The following STEAP1B variants were observed in gnomAD, a reference collection of about 807,000 sequenced individuals.
STEAP1B encodes the protein STEAP family protein MGC87042.
A neutral mutation model predicts 27.9 loss-of-function variants in STEAP1B; 13 were observed. That is an observed-to-expected ratio of 0.47 (90% CI 0.30 to 0.74). STEAP1B has a LOEUF of 0.74. Among genes scored for constraint, STEAP1B ranks in the 30% least tolerant of loss-of-function variants. The pLI is 0.06. For missense variants in STEAP1B, 250 were observed against 298.7 expected, an observed-to-expected ratio of 0.84 and a Z score of 1.20; for synonymous variants, 86 against 107.1, an observed-to-expected ratio of 0.80 and a Z score of 1.22.
At chr7:22,427,527 G>A (rs573351918) in intron 4 of STEAP1B, among the ~76,000 whole-genome samples, 3 of 152,178 alleles carry the variant, frequency 2.0e-5, no homozygotes, top group Non-Finnish European at 4.4e-5. Flanking sequence ...TAGTTTAGGC[G>A]TGGACATATT....
chr7:22,468,135 A>G (rs1353404516), intron 4 of STEAP1B, among the ~76,000 whole-genome samples: 2 of 152,196 alleles, frequency 1.3e-5, no homozygotes, highest in African/African-American at 4.8e-5. Context: ...TTTCAGATAA[A>G]TCTTTTAGAA....
At position 22,494,863 on chromosome 7, in the gene STEAP1B, A is replaced by G. The variant is rs377383177; in HGVS notation, c.-8T>C. ...GTCTTTTCTGCTTTCCATTAATTCT[A>G]TAAAATAGTATGGCTTCAGCCACCT... On this transcript the variant is annotated 5_prime_UTR_variant, in exon 2 of 5. Transcript: ENST00000678116. 3.1e-5 allele frequency: 47 copies of G among 1,513,620 alleles called. No homozygotes were observed. In the East Asian group the frequency reaches 3.2e-4, roughly 10 times the overall value. The allele number at this position is 1,513,620 out of a possible 1,614,324, so 93.8% of individuals were successfully genotyped here. A position where few individuals can be genotyped will look rare whatever the true frequency, so the allele number is the denominator to read the frequency against.
intron 4 of STEAP1B, chr7:22,438,701 C>A: frequency 6.4e-7 from 1 of 1,551,702 alleles, no homozygotes; most frequent in Non-Finnish European, 8.7e-7. Flanking sequence ...TGTGTCTTGG[C>A]CAGTTTAGTG....
chr7:22,483,797 C>T (rs547667689), intron 4 of STEAP1B, among the ~76,000 whole-genome samples: 1 of 152,138 alleles, frequency 6.6e-6, no homozygotes. Context: ...CAGAGAGACA[C>T]GAAATGGCTG....
intron 4 of STEAP1B, among the ~76,000 whole-genome samples, 192 bp from the exon 5 acceptor site, chr7:22,420,028 G>A (rs963116675): frequency 1.3e-5 from 2 of 152,184 alleles, no homozygotes; most frequent in Non-Finnish European, 2.9e-5. Context: ...GAATTCCGGT[G>A]TGGTCTTTCT....
At chr7:22,485,293 C>G (rs947393378) in intron 4 of STEAP1B, among the ~76,000 whole-genome samples, 6 of 152,296 alleles carry the variant, frequency 3.9e-5, no homozygotes, top group Non-Finnish European at 5.9e-5. Context: ...AGCCACCTAG[C>G]CTTTAGCAAC....
chr7:22,489,890 T>C (rs1786289826), intron 4 of STEAP1B, among the ~76,000 whole-genome samples: 1 of 152,190 alleles, frequency 6.6e-6, no homozygotes, highest in South Asian at 2.1e-4. Flanking sequence ...CTCCTATCCG[T>C]ATATCTGGGT....
At chr7:22,476,158 C>G (rs1462862038) in intron 4 of STEAP1B, among the ~76,000 whole-genome samples, 2 of 152,188 alleles carry the variant, frequency 1.3e-5, no homozygotes, top group Non-Finnish European at 2.9e-5. Context: ...GTTGGTGGGA[C>G]AGAGTCTCCC....
At chr7:22,463,476 G>C (rs1291062844) in intron 4 of STEAP1B, among the ~76,000 whole-genome samples, 3 of 152,112 alleles carry the variant, frequency 2.0e-5, no homozygotes, top group Non-Finnish European at 4.4e-5. Flanking sequence ...ATCTGGAACT[G>C]AAAAAGAGCC....
chr7:22,499,856 G>A (rs1319093827), intron 1 of STEAP1B, among the ~76,000 whole-genome samples: 1 of 152,226 alleles, frequency 6.6e-6, no homozygotes, highest in Non-Finnish European at 1.5e-5. Flanking sequence ...CTAGCGAAAA[G>A]GCTTCCTCTG....
chr7:22,422,643 A>AC (rs1462190135), intron 4 of STEAP1B, among the ~76,000 whole-genome samples: 1 of 151,804 alleles, frequency 6.6e-6, no homozygotes, highest in Non-Finnish European at 1.5e-5. Flanking sequence ...ACAGGCACCC[A>AC]CCCCTAGGCT....
At chr7:22,461,908 G>T (rs1042435074) in intron 4 of STEAP1B, among the ~76,000 whole-genome samples, 2 of 152,160 alleles carry the variant, frequency 1.3e-5, no homozygotes, top group Admixed American at 1.3e-4. Flanking sequence ...ACCTGCCCAC[G>T]TGACTGTTAG....
chr7:22,421,978 T>C (rs538380224), intron 4 of STEAP1B, among the ~76,000 whole-genome samples: 1 of 152,362 alleles, frequency 6.6e-6, no homozygotes, highest in Admixed American at 6.5e-5. Context: ...AAATTAAACG[T>C]CACTATCAAA....
At chr7:22,449,858 T>A (rs1473649609) in intron 4 of STEAP1B, among the ~76,000 whole-genome samples, 1 of 152,250 alleles carries the variant, frequency 6.6e-6, no homozygotes, top group African/African-American at 2.4e-5. Context: ...TGAGATGACA[T>A]CTCATTGTAG....
At chr7:22,466,559 C>A (rs776181700) in intron 4 of STEAP1B, among the ~76,000 whole-genome samples, 1 of 152,106 alleles carries the variant, frequency 6.6e-6, no homozygotes, top group Non-Finnish European at 1.5e-5. Flanking sequence ...GCACCTTGAT[C>A]TTGAACTTCC....
At chr7:22,475,760 C>G (rs1301587385) in intron 4 of STEAP1B, among the ~76,000 whole-genome samples, 1 of 152,230 alleles carries the variant, frequency 6.6e-6, no homozygotes, top group Admixed American at 6.5e-5. Context: ...TGAGGAACAT[C>G]TGAGTCCCTG....
At chr7:22,477,687 T>C (rs1785995369) in intron 4 of STEAP1B, among the ~76,000 whole-genome samples, 1 of 152,338 alleles carries the variant, frequency 6.6e-6, no homozygotes, top group East Asian at 1.9e-4. Context: ...ACCTCATATG[T>C]GTGCAAAATT....
intron 4 of STEAP1B, among the ~76,000 whole-genome samples, chr7:22,447,180 A>T (rs914551224): frequency 2.6e-5 from 4 of 152,158 alleles, no homozygotes; most frequent in African/African-American, 9.7e-5. Context: ...CTCTTCTGGG[A>T]CATCACTGAT....
At chr7:22,463,222 A>T (rs552189105) in intron 4 of STEAP1B, among the ~76,000 whole-genome samples, 2 of 151,960 alleles carry the variant, frequency 1.3e-5, no homozygotes, top group South Asian at 4.2e-4. Context: ...CAAAGAGAAT[A>T]AAATACCTAG....
Sources: allele counts gnomAD v4.1 joint callset (sites outside exome capture counted in the v4.1 genomes callset), GRCh38; gene constraint gnomAD v4.1.1; transcripts MANE v1.5; gene names NCBI Gene and HGNC (gene_info 2026-07-23, HGNC 2026-07-21).